USP14: variants seen among roughly 807,000 people sequenced by gnomAD.
USP14 encodes ubiquitin carboxyl-terminal hydrolase 14.
A neutral mutation model predicts 76.5 loss-of-function variants in USP14; 38 were observed. The observed-to-expected ratio is 0.50, with a 90% CI of 0.38 to 0.65. The LOEUF is 0.65. Among genes scored for constraint, USP14 ranks in the 30% least tolerant of loss-of-function variants. The pLI is 0.00. For synonymous variants in USP14, 192 were observed against 191.7 expected (o/e 1.00, Z -0.01); for missense variants, 467 against 586.5 (o/e 0.80, Z 2.10).
At chr18:185,693 T>C (rs1031635118) in intron 5 of USP14, among the ~76,000 whole-genome samples, 1 of 151,972 alleles carries the variant, frequency 6.6e-6, no homozygotes, top group African/African-American at 2.4e-5. Context: ...TTTAAAAAAA[T>C]TTTAAATTAT....
chr18:182,132 T>C (rs1398600479), intron 5 of USP14, among the ~76,000 whole-genome samples: 4 of 152,240 alleles, frequency 2.6e-5, no homozygotes, highest in Non-Finnish European at 5.9e-5. Flanking sequence ...CATTTTGTTT[T>C]TATACCATCG....
chr18:180,480 T>C (rs548965113), intron 5 of USP14, 141 bp downstream of exon 5: 1 of 611,790 alleles, frequency 1.6e-6, no homozygotes, highest in African/African-American at 2.0e-5. Flanking sequence ...TAATGCTTTT[T>C]ATAGTATTTA....
At chr18:168,308 G>T (rs1909337109) in intron 3 of USP14, among the ~76,000 whole-genome samples, 1 of 152,078 alleles carries the variant, frequency 6.6e-6, no homozygotes, top group South Asian at 2.1e-4. Context: ...TGTGTTTTGG[G>T]CAGATTCCAT....
intron 1 of USP14, 53 bp downstream of exon 1, chr18:158,767 C>G: frequency 2.1e-6 from 3 of 1,423,874 alleles, no homozygotes; most frequent in Non-Finnish European, 1.8e-6. Flanking sequence ...GCTAGGCCTC[C>G]GCGTAGGCCT....
In USP14 at chr18:204,194, T is replaced by TA. The variant is rs35327178; in HGVS notation, c.1036-358dup. Among the ~76,000 whole-genome samples the TA allele has an allele frequency of 7.5e-3, 1,082 of 144,270 alleles. 4 individuals carry two copies. Among genetic ancestry groups the TA allele is most frequent in the African/African-American group, 0.015 (581 of 39,744 alleles). 94.6% of individuals were successfully genotyped at this position (144,270 alleles called of 152,430 possible). Reference sequence around the variant, plus strand: ...CTTCTATGTAAAGTTGTATTTCAAATAAAAAAAAAAAACCATAAGTTTATT... The same window carrying TA: ...CTTCTATGTAAAGTTGTATTTCAAATAAAAAAAAAAAAACCATAAGTTTATT... On this transcript the variant is annotated intron_variant, in intron 12 of 15. Coordinates refer to ENST00000261601, the MANE Select transcript of USP14 (RefSeq NM_005151.4).
intron 6 of USP14, among the ~76,000 whole-genome samples, chr18:194,226 CT>C: frequency 1.3e-5 from 2 of 152,248 alleles, no homozygotes; most frequent in East Asian, 3.9e-4. Flanking sequence ...TTTACTCTAA[CT>C]TTTTTTCCTA....
At chr18:208,110 A>AT (rs1598280816) in intron 13 of USP14, among the ~76,000 whole-genome samples, 1 of 149,630 alleles carries the variant, frequency 6.7e-6, no homozygotes, top group African/African-American at 2.5e-5. Flanking sequence ...ATTTTTATTT[A>AT]TTTTTTTTCT....
chr18:204,809 GTAT>G, intron 13 of USP14, 117 bp downstream of exon 13: 1 of 986,880 alleles, frequency 1.0e-6, no homozygotes, highest in Non-Finnish European at 1.4e-6. Flanking sequence ...ACTTTGTATA[GTAT>G]TATTTGGATC....
intron 3 of USP14, among the ~76,000 whole-genome samples, chr18:167,160 G>T (rs1255009430): frequency 6.6e-6 from 1 of 152,078 alleles, no homozygotes; most frequent in Non-Finnish European, 1.5e-5. Flanking sequence ...GAGGTGGGAG[G>T]CTGAGGCGGG....
chr18:187,281 G>T (rs1054682845), intron 5 of USP14, among the ~76,000 whole-genome samples: 7 of 152,092 alleles, frequency 4.6e-5, no homozygotes, highest in African/African-American at 1.7e-4. Context: ...TTCTAACTGG[G>T]TTTATTTATT....
rs781571604 is a variant in USP14, at chr18:210,049, TTTAA to T, written c.1225+21_1225+24del. 19 of 1,577,492 alleles carry T rather than the reference TTTAA, an allele frequency of 1.2e-5. No homozygotes were observed. Among genetic ancestry groups the T allele is most frequent in the Non-Finnish European group, 1.6e-5 (19 of 1,157,200 alleles). On this transcript the variant is annotated intron_variant, in intron 14 of 15. Coordinates refer to ENST00000261601, the MANE Select transcript of USP14 (RefSeq NM_005151.4). ...TGCTGATGGTAAGTAACATTCTCAT[TTTAA>T]TTGAGTTATTGTATGTGGGTCTTTT...
At chr18:159,373 C>T (rs112760914) in intron 1 of USP14, among the ~76,000 whole-genome samples, 33 of 152,226 alleles carry the variant, frequency 2.2e-4, no homozygotes, top group African/African-American at 7.9e-4. Context: ...TCTTGATTGG[C>T]GTTTGACAGG....
At chr18:180,367 G>A in intron 5 of USP14, 28 bp downstream of exon 5, 1 of 1,423,138 alleles carries the variant, frequency 7.0e-7, no homozygotes, top group Non-Finnish European at 9.7e-7. Context: ...TTTGGGTAAG[G>A]GATGTTCACA....
intron 13 of USP14, among the ~76,000 whole-genome samples, chr18:205,026 C>G (rs1432218501): frequency 6.6e-6 from 1 of 152,044 alleles, no homozygotes; most frequent in African/African-American, 2.4e-5. Flanking sequence ...AGGCGTGCGC[C>G]ACCATGCCCA....
rs768034681 is a variant in USP14, at chr18:158,682, T to C, written c.-17T>C. On this transcript the variant is annotated 5_prime_UTR_variant, in exon 1 of 16. Coordinates refer to ENST00000261601, the MANE Select transcript of USP14 (RefSeq NM_005151.4). ...GGCCCAGCTCTCCTGCGCCGCCGCC[T>C]CCCGCCGCGCCCCGCCATGCCGCTC... 6 of 1,518,040 alleles carry C rather than the reference T, an allele frequency of 4.0e-6. No homozygotes were observed. The highest frequency in any genetic ancestry group is 3.6e-5 in the South Asian group (3 of 82,356). 94.0% of individuals were successfully genotyped at this position (1,518,040 alleles called of 1,614,324 possible).
chr18:213,406 A>AT lies in USP14; in HGVS notation c.*2128dup, dbSNP rs898753391. On this transcript the variant is annotated 3_prime_UTR_variant, in exon 16 of 16. Coordinates refer to ENST00000261601, the MANE Select transcript of USP14 (RefSeq NM_005151.4). ...ATCTAAAAAAGCATTATTCCAAAGA[A>AT]TTTTTTCAAGTAGAAATGGGAGTTA... 6.6e-6 allele frequency: 1 copy of AT among 152,124 alleles called. No homozygotes were observed. Among genetic ancestry groups the AT allele is most frequent in the African/African-American group, 2.4e-5 (1 of 41,332 alleles). 9.4% of individuals were successfully genotyped at this position (152,124 alleles called of 1,614,324 possible).
chr18:190,693 A>G (rs917921634), intron 5 of USP14, among the ~76,000 whole-genome samples: 19 of 152,154 alleles, frequency 1.2e-4, no homozygotes, highest in African/African-American at 4.3e-4. Flanking sequence ...TATAATAGAC[A>G]TTAGGTTAAT....
At chr18:166,652 G>A (rs1909279904) in intron 2 of USP14, 135 bp from the exon 3 acceptor site, 6 of 1,127,600 alleles carry the variant, frequency 5.3e-6, no homozygotes, top group Non-Finnish European at 7.2e-6. Context: ...TTTTTTAATT[G>A]CCATAATTTT....
rs1910551897 is a variant in USP14, at chr18:207,109, G to A, written c.1164+2417G>A. On this transcript the variant is annotated intron_variant, in intron 13 of 15. Transcript: ENST00000261601. Reference sequence around the variant, plus strand: ...CAGATGGTCTTGGAACCTTTGTAGAGATTAATTTGACCATCTGTATTTATG... The same window carrying A: ...CAGATGGTCTTGGAACCTTTGTAGAAATTAATTTGACCATCTGTATTTATG... 1.4e-5 allele frequency among the ~76,000 whole-genome samples: 2 copies of A among 145,928 alleles called. 1 individual carries two copies. The highest frequency in any genetic ancestry group is 3.1e-5 in the Non-Finnish European group (2 of 64,138).
Sources: allele counts gnomAD v4.1 joint callset (sites outside exome capture counted in the v4.1 genomes callset), GRCh38; gene constraint gnomAD v4.1.1; transcripts MANE v1.5; gene names NCBI Gene and HGNC (gene_info 2026-07-23, HGNC 2026-07-21).